Variants in CNTNAP2 observed in about 807,000 individuals in gnomAD.
CNTNAP2 encodes contactin-associated protein-like 2.
A neutral mutation model predicts 155.2 loss-of-function variants in CNTNAP2; 98 were observed. The observed-to-expected ratio is 0.63, with a 90% CI of 0.54 to 0.75. The LOEUF (loss-of-function observed/expected upper bound fraction) is 0.75, where lower values mean the gene tolerates loss of function less well. Ranked by LOEUF, CNTNAP2 falls within the 30% of genes least tolerant of loss-of-function variation. The probability of loss-of-function intolerance (pLI) is 0.00; values close to 1 mark genes in which losing one functional copy is unlikely to be tolerated. For synonymous variants in CNTNAP2, 651 were observed against 631.2 expected (o/e 1.03, Z -0.47); for missense variants, 1,727 against 1,688.1 (o/e 1.02, Z -0.40).
At chr7:146,796,165 A>G (rs1463449851) in intron 2 of CNTNAP2, among the ~76,000 whole-genome samples, 1 of 152,204 alleles carries the variant, frequency 6.6e-6, no homozygotes, top group Non-Finnish European at 1.5e-5. Context: ...ATTGAAAGTG[A>G]AGGCTATCGG....
At chr7:146,721,452 A>G (rs1801310525) in intron 1 of CNTNAP2, among the ~76,000 whole-genome samples, 1 of 127,328 alleles carries the variant, frequency 7.9e-6, no homozygotes, top group African/African-American at 3.3e-5. Flanking sequence ...TATACATTCT[A>G]TATACATTTT....
intron 17 of CNTNAP2, among the ~76,000 whole-genome samples, chr7:148,165,591 T>A (rs934435535): frequency 6.6e-6 from 1 of 152,202 alleles, no homozygotes; most frequent in Non-Finnish European, 1.5e-5. Context: ...TTATCTGTTA[T>A]TAACACACTC....
At chr7:146,792,998 A>G (rs1430223891) in intron 2 of CNTNAP2, among the ~76,000 whole-genome samples, 1 of 152,222 alleles carries the variant, frequency 6.6e-6, no homozygotes. Context: ...AAAACTAAAA[A>G]GAAACAGGTG....
chr7:146,170,342 C>T (rs1000288624), intron 1 of CNTNAP2, among the ~76,000 whole-genome samples: 1 of 152,178 alleles, frequency 6.6e-6, no homozygotes. Flanking sequence ...TTCTAGATTT[C>T]TGATGAAACT....
At chr7:147,051,635 A>G (rs1799475807) in intron 4 of CNTNAP2, among the ~76,000 whole-genome samples, 1 of 152,112 alleles carries the variant, frequency 6.6e-6, no homozygotes, top group African/African-American at 2.4e-5. Flanking sequence ...TAAGAACATA[A>G]TTTATTTCAT....
Position 147,138,476 on chromosome 7 carries a change from T to C in CNTNAP2, c.1348+5967T>C, listed in dbSNP as rs148990115. On this transcript the variant is annotated intron_variant, in intron 8 of 23. Coordinates refer to ENST00000361727, the MANE Select transcript of CNTNAP2 (RefSeq NM_014141.6). ...GTAAAAGGCATTTGAGTCAATGGTA[T>C]GTTGCTCCTGGGTAGCTTCACCCAA... 4.1e-3 allele frequency among the ~76,000 whole-genome samples: 629 copies of C among 152,144 alleles called. 6 individuals carry two copies. Among genetic ancestry groups the C allele is most frequent in the African/African-American group, 0.014 (602 of 41,562 alleles).
intron 2 of CNTNAP2, among the ~76,000 whole-genome samples, chr7:146,826,854 A>G (rs1261891294): frequency 7.1e-6 from 1 of 140,596 alleles, no homozygotes; most frequent in Non-Finnish European, 1.5e-5. Flanking sequence ...ATATATATAT[A>G]TATAGAGAGA....
Position 148,115,598 on chromosome 7 carries a change from C to T in CNTNAP2, c.2384-2520C>T, listed in dbSNP as rs529131903. ...CCCAGCTTCAGGACTCTCTGATGAG[C>T]GAGAGCGTAGATTTAGGTTTTCTCA... is the stretch of plus-strand genomic sequence containing the variant. On this transcript the variant is annotated intron_variant, in intron 15 of 23. Coordinates refer to ENST00000361727, the MANE Select transcript of CNTNAP2 (RefSeq NM_014141.6). Among the ~76,000 whole-genome samples the T allele has an allele frequency of 4.9e-4, 75 of 152,196 alleles. 1 individual carries two copies. In the South Asian group the frequency reaches 0.011, roughly 23 times the overall value.
At chr7:146,841,342 G>A (rs1255169079) in intron 3 of CNTNAP2, among the ~76,000 whole-genome samples, 1 of 149,992 alleles carries the variant, frequency 6.7e-6, no homozygotes, top group African/African-American at 2.4e-5. Context: ...GGCAGAGAGA[G>A]AGAGGGGAAG....
chr7:146,412,306 C>T (rs1416433656), intron 1 of CNTNAP2, among the ~76,000 whole-genome samples: 1 of 152,130 alleles, frequency 6.6e-6, no homozygotes, highest in Non-Finnish European at 1.5e-5. Flanking sequence ...AGACAAAATG[C>T]TTGTGTATAA....
At chr7:147,748,520 A>G (rs1525261) in intron 13 of CNTNAP2, among the ~76,000 whole-genome samples, 1,667 of 152,328 alleles carry the variant, frequency 0.011, 96 homozygotes, top group Admixed American at 0.087. Flanking sequence ...TCATAAAATT[A>G]AGAAGTCTTT....
chr7:147,126,731 C>A (rs140998853), intron 6 of CNTNAP2, among the ~76,000 whole-genome samples: 1 of 152,154 alleles, frequency 6.6e-6, no homozygotes, highest in African/African-American at 2.4e-5. Context: ...CCTTGGCCTC[C>A]CAAAGTGCTG....
intron 21 of CNTNAP2, among the ~76,000 whole-genome samples, chr7:148,288,717 T>C (rs1001839737): frequency 2.0e-4 from 31 of 152,136 alleles, no homozygotes; most frequent in African/African-American, 7.5e-4. Flanking sequence ...TGCTTCCTTT[T>C]CAAAAGAGTC....
Position 148,419,597 on chromosome 7 carries a change from C to G in CNTNAP2, c.*3981C>G, listed in dbSNP as rs991409022. ...TACAGGCACCCGCCATCACACCCAG[C>G]TAATTTTTTTTTTTTTTTGTATTAT... On this transcript the variant is annotated 3_prime_UTR_variant, in exon 24 of 24. Transcript: ENST00000361727. 1.0e-5 allele frequency: 1 copy of G among 97,290 alleles called. No individual in the cohort carries two copies. Among genetic ancestry groups the G allele is most frequent in the African/African-American group, 2.8e-5 (1 of 35,822 alleles). The allele number at this position is 97,290 out of a possible 1,614,324, so 6.0% of individuals were successfully genotyped here. A position where few individuals can be genotyped will look rare whatever the true frequency, so the allele number is the denominator to read the frequency against.
At chr7:148,409,308 A>T (rs1799772062) in intron 22 of CNTNAP2, 83 bp from the exon 23 acceptor site, 1 of 1,046,262 alleles carries the variant, frequency 9.6e-7, no homozygotes, top group Non-Finnish European at 1.5e-6. Flanking sequence ...AGTGTTGAAG[A>T]GTTGCATGAA....
At chr7:148,285,181 G>A (rs780545158) in intron 21 of CNTNAP2, among the ~76,000 whole-genome samples, 4 of 152,134 alleles carry the variant, frequency 2.6e-5, no homozygotes, top group Non-Finnish European at 5.9e-5. Context: ...TCTGTGCTCT[G>A]GTGATAAGAC....
intron 13 of CNTNAP2, among the ~76,000 whole-genome samples, chr7:147,696,761 G>GT (rs2116999070): frequency 6.6e-6 from 1 of 151,718 alleles, no homozygotes; most frequent in East Asian, 1.9e-4. Flanking sequence ...TTGAAGGATA[G>GT]TTTTGCAGAG....
intron 15 of CNTNAP2, among the ~76,000 whole-genome samples, chr7:148,038,480 C>G (rs1802609726): frequency 6.6e-6 from 1 of 152,160 alleles, no homozygotes; most frequent in South Asian, 2.1e-4. Flanking sequence ...ATTAAAGTTC[C>G]CATAGCATCT....
intron 1 of CNTNAP2, among the ~76,000 whole-genome samples, chr7:146,589,898 T>C (rs934194513): frequency 2.6e-5 from 4 of 152,120 alleles, no homozygotes; most frequent in African/African-American, 9.7e-5. Context: ...TGCATCCACA[T>C]AGTATACCAG....
Sources: allele counts gnomAD v4.1 joint callset (sites outside exome capture counted in the v4.1 genomes callset), GRCh38; gene constraint gnomAD v4.1.1; transcripts MANE v1.5; gene names NCBI Gene and HGNC (gene_info 2026-07-23, HGNC 2026-07-21).